PIK3R5: variants seen among roughly 807,000 people sequenced by gnomAD.
PIK3R5 encodes phosphoinositide 3-kinase regulatory subunit 5.
In PIK3R5, 32 loss-of-function variants were observed where a neutral mutation model predicts 94.9. The observed-to-expected ratio is 0.34, with a 90% CI of 0.25 to 0.45. PIK3R5 has a LOEUF of 0.45. Ranked by LOEUF, PIK3R5 falls within the 20% of genes least tolerant of loss-of-function variation. The probability of loss-of-function intolerance (pLI) is 1.00; values close to 1 mark genes in which losing one functional copy is unlikely to be tolerated. For missense variants in PIK3R5, 853 were observed against 1,144.6 expected, an observed-to-expected ratio of 0.75 and a Z score of 3.68; for synonymous variants, 443 against 479.4, an observed-to-expected ratio of 0.92 and a Z score of 0.99.
intron 1 of PIK3R5, among the ~76,000 whole-genome samples, chr17:8,951,848 G>T (rs530965965): frequency 1.3e-5 from 2 of 152,248 alleles, no homozygotes; most frequent in South Asian, 2.1e-4. Context: ...CCTTCTATGG[G>T]GATATAACTT....
intron 1 of PIK3R5, among the ~76,000 whole-genome samples, chr17:8,954,663 C>T (rs1369205728): frequency 6.6e-6 from 1 of 152,128 alleles, no homozygotes; most frequent in Non-Finnish European, 1.5e-5. Flanking sequence ...CTGCCGGGTG[C>T]GGTGGCTCAT....
In PIK3R5 at chr17:8,885,372, C is replaced by T. The variant is rs1389991454; in HGVS notation, c.2129-589G>A. On this transcript the variant is annotated intron_variant, in intron 14 of 18. Transcript: ENST00000447110. ...GTAACTCCACCTTCCCATGGCCCTG[C>T]CTCCCGGTACCCCTGCCTCCCCAGG... Among the ~76,000 whole-genome samples the T allele has an allele frequency of 2.7e-5, 4 of 150,882 alleles. No individual in the cohort carries two copies. In the East Asian group the frequency reaches 7.8e-4, roughly 30 times the overall value.
rs551147661 is a variant in PIK3R5 at position 8,888,543 on chromosome 17, C to G, written c.1244G>C (p.Arg415Pro). Reference protein sequence around the residue: ...RRGSQERRGHRRPGQKFIRIY... With the variant: ...RRGSQERRGHPRPGQKFIRIY... ...CCTGATGAACTTCTGCCCAGGCCTG[C>G]GGTGGCCTCGGCGTTCCTGGCTGCC... Residue 415 changes from arginine to proline, a missense_variant, in exon 10 of 19, where the codon CGC becomes CCC. Transcript: ENST00000447110. The surrounding 1 kb of genome is among the most constrained non-coding windows in gnomAD (Gnocchi z 7.8). 1 of 1,611,500 alleles carries G rather than the reference C, an allele frequency of 6.2e-7. No individual in the cohort carries two copies. The highest frequency in any genetic ancestry group is 2.2e-5 in the East Asian group (1 of 44,828).
chr17:8,923,624 C>T (rs2090798245), intron 1 of PIK3R5, among the ~76,000 whole-genome samples: 1 of 152,208 alleles, frequency 6.6e-6, no homozygotes. Flanking sequence ...AAGCAATAAG[C>T]TCCAGGCAGC....
chr17:8,942,848 C>T lies in PIK3R5; in HGVS notation c.-14+22748G>A, dbSNP rs1387668093. On this transcript the variant is annotated intron_variant, in intron 1 of 18. Coordinates refer to ENST00000447110, the MANE Select transcript of PIK3R5 (RefSeq NM_001142633.3). The stretch of plus-strand genomic sequence containing the variant: ...GTCTCGATCTCCTGACCTCATGATC[C>T]GCCCGCCTCGGCCTCCCAAAGTGCT... Among the ~76,000 whole-genome samples the T allele has an allele frequency of 4.6e-5, 7 of 151,972 alleles. No individual in the cohort carries two copies. In the South Asian group the frequency reaches 8.3e-4, roughly 18 times the overall value.
intron 1 of PIK3R5, among the ~76,000 whole-genome samples, chr17:8,933,444 G>C (rs2091020587): frequency 6.6e-6 from 1 of 152,140 alleles, no homozygotes; most frequent in Admixed American, 6.5e-5. Context: ...TACTAAAAAT[G>C]CTTTTTAAAA....
chr17:8,948,731 G>A (rs1022594332), intron 1 of PIK3R5, among the ~76,000 whole-genome samples: 7 of 152,156 alleles, frequency 4.6e-5, no homozygotes, highest in Non-Finnish European at 8.8e-5. Flanking sequence ...ACGCTGGTAC[G>A]ACAACATACC....
rs973024833 is a variant in PIK3R5, at chr17:8,882,755, C to T, written c.2206-874G>A. 6.6e-6 allele frequency among the ~76,000 whole-genome samples: 1 copy of T among 152,174 alleles called. No homozygotes were observed. The highest frequency in any genetic ancestry group is 2.4e-5 in the African/African-American group (1 of 41,442). On this transcript the variant is annotated intron_variant, in intron 15 of 18. Coordinates refer to ENST00000447110, the MANE Select transcript of PIK3R5 (RefSeq NM_001142633.3). This position sits in a 1 kb window ranked among gnomAD's most constrained non-coding sequence, Gnocchi z 4.1. ...GGTGCTGCCAGTCACAGAGGAGTGA[C>T]TCCAGGAGTCTGGCCTCTCCTTTCC...
At chr17:8,944,973 G>A (rs1342144187) in intron 1 of PIK3R5, among the ~76,000 whole-genome samples, 1 of 152,198 alleles carries the variant, frequency 6.6e-6, no homozygotes, top group Admixed American at 6.5e-5. Context: ...CAAGTCCACA[G>A]CAAATGAATA....
At chr17:8,947,771 C>T (rs564540552) in intron 1 of PIK3R5, among the ~76,000 whole-genome samples, 4 of 152,064 alleles carry the variant, frequency 2.6e-5, no homozygotes, top group African/African-American at 4.8e-5. Context: ...CAGCTGGGTG[C>T]GGTGGCTCAT....
intron 3 of PIK3R5, 93 bp downstream of exon 3, chr17:8,908,981 C>T: frequency 1.3e-6 from 1 of 789,372 alleles, no homozygotes; most frequent in Non-Finnish European, 2.1e-6. Context: ...CTCTGGAGGT[C>T]CAGGCACCCA....
In PIK3R5 at chr17:8,884,811, C is replaced by G. The variant is rs571717014; in HGVS notation, c.2129-28G>C. On this transcript the variant is annotated intron_variant, in intron 14 of 18. Transcript: ENST00000447110. This position sits in a 1 kb window ranked among gnomAD's most constrained non-coding sequence, Gnocchi z 5.8. ...GTGCCACACACAGACAGACCCTTCA[C>G]TACCCCTGGCTTCCCCGGCTCCTCA... 19 of 1,606,418 alleles carry G rather than the reference C, an allele frequency of 1.2e-5. No homozygotes were observed. Among genetic ancestry groups the G allele is most frequent in the Non-Finnish European group, 1.5e-5 (18 of 1,175,380 alleles).
In PIK3R5 at chr17:8,911,718, C is replaced by T; in HGVS notation, c.-13-211G>A. On this transcript the variant is annotated intron_variant, in intron 1 of 18. Coordinates refer to ENST00000447110, the MANE Select transcript of PIK3R5 (RefSeq NM_001142633.3). This position sits in a 1 kb window ranked among gnomAD's most constrained non-coding sequence, Gnocchi z 5.3. Reference sequence around the variant, plus strand: ...CACATCTGAGTGGCAGGACAGAGCACCCCTGCAGCAGAACGGGACAGAGGT... The same window carrying T: ...CACATCTGAGTGGCAGGACAGAGCATCCCTGCAGCAGAACGGGACAGAGGT... 1 of 526,686 alleles carries T rather than the reference C, an allele frequency of 1.9e-6. No individual in the cohort carries two copies. Among genetic ancestry groups the T allele is most frequent in the Non-Finnish European group, 3.4e-6 (1 of 291,292 alleles). 32.6% of individuals were successfully genotyped at this position (526,686 alleles called of 1,614,324 possible).
chr17:8,887,978 G>GCAACAGA (rs1431106807), intron 10 of PIK3R5, among the ~76,000 whole-genome samples, 193 bp downstream of exon 10: 5 of 147,614 alleles, frequency 3.4e-5, no homozygotes, highest in Non-Finnish European at 7.4e-5. Context: ...TCCAGCCCGG[G>GCAACAGA]CAACAGAGCA....
intron 1 of PIK3R5, among the ~76,000 whole-genome samples, chr17:8,921,530 C>CAG (rs2090743852): frequency 6.6e-6 from 1 of 152,102 alleles, no homozygotes; most frequent in South Asian, 2.1e-4. Flanking sequence ...TACCAAAGAA[C>CAG]AGAGTTAGGT....
At chr17:8,958,914 C>T (rs568437797) in intron 1 of PIK3R5, among the ~76,000 whole-genome samples, 10 of 152,256 alleles carry the variant, frequency 6.6e-5, no homozygotes, top group South Asian at 2.1e-4. Flanking sequence ...TGTGCCATCA[C>T]GCCCGGCTAA....
chr17:8,881,096 C>T lies in PIK3R5; in HGVS notation c.2383-79G>A, dbSNP rs2089645905. ...CCCCTGGCAGTTCCTTTTCTCAGAA[C>T]TGCCCATCCACTTCTAGGGGTGTGG... On this transcript the variant is annotated intron_variant, in intron 17 of 18. Coordinates refer to ENST00000447110, the MANE Select transcript of PIK3R5 (RefSeq NM_001142633.3). This position sits in a 1 kb window ranked among gnomAD's most constrained non-coding sequence, Gnocchi z 4.8. The T allele has an allele frequency of 9.5e-7, 1 of 1,052,832 alleles. No homozygotes were observed. Among genetic ancestry groups the T allele is most frequent in the Non-Finnish European group, 1.5e-6 (1 of 671,354 alleles). 65.2% of individuals were successfully genotyped at this position (1,052,832 alleles called of 1,614,324 possible).
At chr17:8,917,849 C>G (rs1362035882) in intron 1 of PIK3R5, among the ~76,000 whole-genome samples, 2 of 151,710 alleles carry the variant, frequency 1.3e-5, no homozygotes, top group African/African-American at 4.8e-5. Context: ...CTAGGTGACA[C>G]AGCAAGACTC....
intron 1 of PIK3R5, among the ~76,000 whole-genome samples, chr17:8,921,286 T>C (rs971070542): frequency 1.3e-5 from 2 of 152,244 alleles, no homozygotes; most frequent in Admixed American, 6.5e-5. Context: ...TTTTGTACCC[T>C]ACCATTCCTA....
Sources: gnomAD v4.1 joint callset for allele counts (sites outside exome capture counted in the v4.1 genomes callset) on GRCh38, gnomAD v4.1.1 for gene constraint, Gnocchi (gnomAD v3.1) non-coding constraint, MANE v1.5 for transcripts, NCBI Gene and HGNC (gene_info 2026-07-23, HGNC 2026-07-21) for gene names.